Variants in PTPRG observed in about 807,000 individuals in gnomAD.
PTPRG encodes protein tyrosine phosphatase receptor type G, also known as receptor-type tyrosine-protein phosphatase gamma.
In PTPRG, 102 loss-of-function variants were observed where a neutral mutation model predicts 165.3. The observed-to-expected ratio is 0.62, with a 90% CI of 0.53 to 0.73. The LOEUF (loss-of-function observed/expected upper bound fraction) is 0.73, where lower values mean the gene tolerates loss of function less well. Among genes scored for constraint, PTPRG ranks in the 30% least tolerant of loss-of-function variants. The pLI is 0.00. For missense variants in PTPRG, 1,866 were observed against 1,861.4 expected (o/e 1.00, Z -0.05); for synonymous variants, 675 against 669.5 (o/e 1.01, Z -0.13).
At chr3:62,187,761 G>T (rs1699699689) in intron 8 of PTPRG, among the ~76,000 whole-genome samples, 1 of 152,142 alleles carries the variant, frequency 6.6e-6, no homozygotes, top group South Asian at 2.1e-4. Flanking sequence ...AGGATGGGGG[G>T]TAGAGAACAG....
chr3:62,120,723 C>G (rs1404261074), intron 5 of PTPRG, among the ~76,000 whole-genome samples: 2 of 149,924 alleles, frequency 1.3e-5, no homozygotes, highest in African/African-American at 4.9e-5. Context: ...GCACTCCAGC[C>G]TGGGTGACAG....
At chr3:61,702,395 G>T (rs1188072871) in intron 1 of PTPRG, among the ~76,000 whole-genome samples, 1 of 152,220 alleles carries the variant, frequency 6.6e-6, no homozygotes, top group Admixed American at 6.5e-5. Context: ...TCATTTTAGA[G>T]AAGAGGATTT....
intron 6 of PTPRG, among the ~76,000 whole-genome samples, chr3:62,151,903 G>C (rs1008357723): frequency 6.6e-6 from 1 of 152,088 alleles, no homozygotes; most frequent in Admixed American, 6.6e-5. Context: ...GTCATACTCA[G>C]AACCTCCTTG....
At position 61,830,566 on chromosome 3, in the gene PTPRG, GT is replaced by G. The variant is rs57644199; in HGVS notation, c.190+81608del. Among the ~76,000 whole-genome samples, 744 of 86,502 alleles carry G rather than the reference GT, an allele frequency of 8.6e-3. 5 individuals carry two copies. The highest frequency in any genetic ancestry group is 0.025 in the African/African-American group (600 of 24,132). 56.7% of individuals were successfully genotyped at this position (86,502 alleles called of 152,430 possible). On this transcript the variant is annotated intron_variant, in intron 2 of 29. Transcript: ENST00000474889. ...ACTGGTGATGGTTCTTTTTGTTTTTGTTTTTTTTTTTTTTTTTTTTTTTTGG... is the reference window on the plus strand; with the variant it reads ...ACTGGTGATGGTTCTTTTTGTTTTTGTTTTTTTTTTTTTTTTTTTTTTTGG...
chr3:62,153,239 G>T (rs1704402309), intron 6 of PTPRG, among the ~76,000 whole-genome samples: 1 of 152,218 alleles, frequency 6.6e-6, no homozygotes, highest in Admixed American at 6.5e-5. Context: ...ATCTGGGCTT[G>T]TGGTCAGCCA....
At chr3:61,582,757 T>C (rs1255537886) in intron 1 of PTPRG, among the ~76,000 whole-genome samples, 3 of 152,178 alleles carry the variant, frequency 2.0e-5, no homozygotes, top group Non-Finnish European at 2.9e-5. Context: ...TTTCCTCTTG[T>C]ACATTATTGC....
At chr3:62,194,533 C>T (rs1699912855) in intron 9 of PTPRG, among the ~76,000 whole-genome samples, 1 of 152,164 alleles carries the variant, frequency 6.6e-6, no homozygotes, top group South Asian at 2.1e-4. Context: ...AAGAAACAGA[C>T]CTGGGCAGGC....
At chr3:62,062,700 A>G (rs1700860735) in intron 4 of PTPRG, among the ~76,000 whole-genome samples, 1 of 151,840 alleles carries the variant, frequency 6.6e-6, no homozygotes, top group African/African-American at 2.4e-5. Context: ...GCAGGATCTC[A>G]TTGTGTTACT....
intron 4 of PTPRG, among the ~76,000 whole-genome samples, chr3:62,042,782 C>T (rs1700169309): frequency 6.6e-6 from 1 of 152,090 alleles, no homozygotes; most frequent in Non-Finnish European, 1.5e-5. Flanking sequence ...CCCTTTAGGC[C>T]CTACGAATCC....
At chr3:61,858,416 AT>A (rs2037173180) in intron 2 of PTPRG, among the ~76,000 whole-genome samples, 1 of 152,192 alleles carries the variant, frequency 6.6e-6, no homozygotes, top group Non-Finnish European at 1.5e-5. Flanking sequence ...AGCTAATTTT[AT>A]TTTTAAAAAT....
intron 2 of PTPRG, among the ~76,000 whole-genome samples, chr3:61,950,189 C>A (rs1363323550): frequency 6.6e-6 from 1 of 152,176 alleles, no homozygotes; most frequent in African/African-American, 2.4e-5. Flanking sequence ...GAGACAGTTT[C>A]CAGGCCTGTG....
At chr3:62,073,628 C>G (rs1169949813) in intron 4 of PTPRG, among the ~76,000 whole-genome samples, 1 of 152,066 alleles carries the variant, frequency 6.6e-6, no homozygotes, top group African/African-American at 2.4e-5. Flanking sequence ...GTGGCAGGCA[C>G]CTGCCACCGC....
chr3:61,802,200 G>A (rs2035271039), intron 2 of PTPRG, among the ~76,000 whole-genome samples: 1 of 152,146 alleles, frequency 6.6e-6, no homozygotes, highest in Admixed American at 6.5e-5. Flanking sequence ...ATATACAAAA[G>A]TAGGAGGAGT....
chr3:61,672,289 G>A (rs1385900470), intron 1 of PTPRG, among the ~76,000 whole-genome samples: 11 of 139,330 alleles, frequency 7.9e-5, no homozygotes, highest in Non-Finnish European at 1.1e-4. Context: ...GCGGCCAGGC[G>A]GAGACGCTCC....
intron 7 of PTPRG, among the ~76,000 whole-genome samples, chr3:62,158,057 C>T (rs2106701298): frequency 6.6e-6 from 1 of 152,300 alleles, no homozygotes; most frequent in South Asian, 2.1e-4. Context: ...TATTGTACTG[C>T]TTCCTTCTGA....
At chr3:62,126,211 A>G (rs559887130) in intron 5 of PTPRG, among the ~76,000 whole-genome samples, 25 of 152,284 alleles carry the variant, frequency 1.6e-4, no homozygotes, top group African/African-American at 5.8e-4. Flanking sequence ...AAGTCTGACA[A>G]TGAGATGGTA....
intron 1 of PTPRG, among the ~76,000 whole-genome samples, chr3:61,687,137 G>A (rs1002154287): frequency 1.3e-5 from 2 of 152,138 alleles, no homozygotes; most frequent in Non-Finnish European, 2.9e-5. Context: ...CCAAGTATCT[G>A]TTCACTTCCA....
At position 62,277,036 on chromosome 3, in the gene PTPRG, T is replaced by C. The variant is rs747557011; in HGVS notation, c.3624T>C (p.Ala1208=). 1 of 1,612,364 alleles carries C rather than the reference T, an allele frequency of 6.2e-7. No individual in the cohort carries two copies. The highest frequency in any genetic ancestry group is 8.5e-7 in the Non-Finnish European group (1 of 1,178,728). The part of the protein sequence containing the change: ...PGMKGTDYIN[A]SYIMGYYRSN... The stretch of plus-strand genomic sequence containing the variant: ...TGAAAGGAACAGATTACATTAATGC[T>C]TCTTATATCATGGTGAGAGTCAACA... Residue 1208 remains alanine (A), a synonymous_variant, in exon 25 of 30, where the codon GCT becomes GCC. Transcript: ENST00000474889.
chr3:61,915,325 T>C (rs1046230017), intron 2 of PTPRG, among the ~76,000 whole-genome samples: 1 of 152,224 alleles, frequency 6.6e-6, no homozygotes, highest in Non-Finnish European at 1.5e-5. Flanking sequence ...TCCTTTTCTT[T>C]GCATGTTTGG....
Sources: allele counts gnomAD v4.1 joint callset (sites outside exome capture counted in the v4.1 genomes callset), GRCh38; gene constraint gnomAD v4.1.1; transcripts MANE v1.5; gene names NCBI Gene and HGNC (gene_info 2026-07-23, HGNC 2026-07-21).